The following RAP1GAP2 variants were observed in gnomAD, a reference collection of about 807,000 sequenced individuals.
RAP1GAP2 encodes the protein RAP1 GTPase activating protein 2, also known as rap1 GTPase-activating protein 2.
A neutral mutation model predicts 95.0 loss-of-function variants in RAP1GAP2; 27 were observed. The ratio of observed to expected loss-of-function variants is 0.28; its 90% CI spans 0.21 to 0.39. The LOEUF is 0.39. Ranked by LOEUF, RAP1GAP2 falls within the 10% of genes least tolerant of loss-of-function variation. The probability of loss-of-function intolerance (pLI) is 1.00; values close to 1 mark genes in which losing one functional copy is unlikely to be tolerated. For synonymous variants in RAP1GAP2, 373 were observed against 380.9 expected, an observed-to-expected ratio of 0.98 and a Z score of 0.24; for missense variants, 771 against 970.0, an observed-to-expected ratio of 0.79 and a Z score of 2.72.
At chr17:2,822,627 GTTTTTTTTTTTTTTTTTT>G (rs66503004) in intron 2 of RAP1GAP2, among the ~76,000 whole-genome samples, 1 of 127,852 alleles carries the variant, frequency 7.8e-6, no homozygotes, top group Non-Finnish European at 1.7e-5. Context: ...GTTTTTTTTT[GTTTTTTTTTTTTTTTTTT>G]TTTTTAAGAA....
chr17:3,026,553 C>T (rs1437422955), intron 21 of RAP1GAP2, 89 bp downstream of exon 21: 2 of 1,086,990 alleles, frequency 1.8e-6, no homozygotes, highest in Admixed American at 5.3e-5. Context: ...TGGATCGAAG[C>T]CCATGTCAGT....
chr17:3,021,251 T>C (rs2046946470), intron 19 of RAP1GAP2, among the ~76,000 whole-genome samples: 1 of 152,138 alleles, frequency 6.6e-6, no homozygotes, highest in Admixed American at 6.6e-5. Context: ...TGTATTGTAC[T>C]ATTGAACACT....
At chr17:3,032,623 T>G (rs1247054362) in intron 24 of RAP1GAP2, among the ~76,000 whole-genome samples, 174 bp downstream of exon 24, 2 of 152,092 alleles carry the variant, frequency 1.3e-5, no homozygotes, top group Non-Finnish European at 2.9e-5. Flanking sequence ...GAGGGGCAGA[T>G]GGCCTGTGTG....
rs554285030 is a variant in RAP1GAP2, at chr17:2,791,048, T to C, written c.-13-9467T>C. 1.1e-3 allele frequency among the ~76,000 whole-genome samples: 172 copies of C among 152,218 alleles called. 1 individual carries two copies. The highest frequency in any genetic ancestry group is 3.4e-3 in the Middle Eastern group (1 of 294). The stretch of plus-strand genomic sequence containing the variant: ...GGCAAAACCCCATCTCCACTAAAAG[T>C]ACAAAAATTAGCCAGGTGTGGTGGC... On this transcript the variant is annotated intron_variant, in intron 1 of 24. Transcript: ENST00000540393.
intron 3 of RAP1GAP2, among the ~76,000 whole-genome samples, chr17:2,911,489 G>A (rs1237795685): frequency 2.6e-5 from 4 of 151,938 alleles, no homozygotes; most frequent in Non-Finnish European, 5.9e-5. Flanking sequence ...GGCATTTAGG[G>A]AGGGGCAGTT....
At chr17:3,012,572 T>G (rs2046587645) in intron 17 of RAP1GAP2, among the ~76,000 whole-genome samples, 1 of 126,570 alleles carries the variant, frequency 7.9e-6, no homozygotes, top group Admixed American at 1.1e-4. Flanking sequence ...GAGCTGAGAT[T>G]GCGCCACTGC....
Position 3,004,756 on chromosome 17 carries a change from C to T in RAP1GAP2, c.1201-613C>T, listed in dbSNP as rs555216779. ...GGTCCACCGGCTGCACGAGAGTTTC[C>T]GGGGGGCCCTACCCTTCCGATTCGG... On this transcript the variant is annotated intron_variant, in intron 14 of 24. Coordinates refer to ENST00000254695, the MANE Select transcript of RAP1GAP2 (RefSeq NM_015085.5). The surrounding 1 kb of genome is among the most constrained non-coding windows in gnomAD (Gnocchi z 4.1). 2.3e-4 allele frequency among the ~76,000 whole-genome samples: 35 copies of T among 152,346 alleles called. No homozygotes were observed. Among genetic ancestry groups the T allele is most frequent in the African/African-American group, 7.5e-4 (31 of 41,582 alleles).
chr17:2,911,528 G>A (rs2042381417), intron 3 of RAP1GAP2, among the ~76,000 whole-genome samples: 1 of 151,988 alleles, frequency 6.6e-6, no homozygotes, highest in Admixed American at 6.5e-5. Flanking sequence ...TGGGTCCCCT[G>A]GGTCACATCG....
At chr17:2,872,418 A>T (rs1393209345) in intron 2 of RAP1GAP2, among the ~76,000 whole-genome samples, 1 of 151,868 alleles carries the variant, frequency 6.6e-6, no homozygotes, top group Non-Finnish European at 1.5e-5. Flanking sequence ...AAAGAAGGTC[A>T]TATAAGCTGC....
intron 2 of RAP1GAP2, among the ~76,000 whole-genome samples, chr17:2,812,100 G>T (rs1567670300): frequency 6.6e-6 from 1 of 152,162 alleles, no homozygotes; most frequent in Admixed American, 6.5e-5. Context: ...CTGCAGACCA[G>T]AGTCAGCCGG....
intron 2 of RAP1GAP2, among the ~76,000 whole-genome samples, chr17:2,885,644 G>A (rs1703404814): frequency 6.6e-6 from 1 of 152,182 alleles, no homozygotes; most frequent in Non-Finnish European, 1.5e-5. Flanking sequence ...TGGGTCTAGG[G>A]GCTGAAGCAG....
At chr17:2,939,579 A>G (rs2043415095) in intron 3 of RAP1GAP2, among the ~76,000 whole-genome samples, 1 of 152,194 alleles carries the variant, frequency 6.6e-6, no homozygotes, top group African/African-American at 2.4e-5. Flanking sequence ...CTCCAAACAC[A>G]CAAGACCCGG....
chr17:2,791,330 T>G (rs1342058818), intron 1 of RAP1GAP2, among the ~76,000 whole-genome samples: 4 of 152,118 alleles, frequency 2.6e-5, no homozygotes, highest in African/African-American at 9.7e-5. Flanking sequence ...CCTTGTGAAC[T>G]GTGACCCACA....
chr17:2,888,287 TCTG>T (rs768738247), intron 2 of RAP1GAP2, among the ~76,000 whole-genome samples: 6 of 152,198 alleles, frequency 3.9e-5, no homozygotes, highest in Admixed American at 1.3e-4. Context: ...ACGTTCAAAA[TCTG>T]CTCTTCTGGC....
chr17:3,005,363 A>T lies in RAP1GAP2; in HGVS notation c.1201-6A>T. On this transcript the variant is annotated splice_polypyrimidine_tract_variant and splice_region_variant and intron_variant, in intron 14 of 24. Transcript: ENST00000254695. This position sits in a 1 kb window ranked among gnomAD's most constrained non-coding sequence, Gnocchi z 5.2. ...CAGGTCCGTACCATGACTCTGTTTCACTCAGGTCTCTGTCACTGCGCGGGA... is the reference window on the plus strand; with the variant it reads ...CAGGTCCGTACCATGACTCTGTTTCTCTCAGGTCTCTGTCACTGCGCGGGA... 2 of 1,613,136 alleles carry T rather than the reference A, an allele frequency of 1.2e-6. No homozygotes were observed. Among genetic ancestry groups the T allele is most frequent in the Non-Finnish European group, 1.7e-6 (2 of 1,179,316 alleles).
intron 2 of RAP1GAP2, among the ~76,000 whole-genome samples, chr17:2,898,391 TTCCTGAATCCAGTGTCCTCTTCCC>T (rs2041910869): frequency 6.6e-6 from 1 of 152,182 alleles, no homozygotes; most frequent in South Asian, 2.1e-4. Context: ...GAGCCTTTTG[TTCCTGAATCCAGTGTCCTCTTCCC>T]TCCCCCACAC....
rs141605696 is a variant in RAP1GAP2, at chr17:2,998,683, C to T, written c.1200+307C>T. ...TTGGAATTTGGTGATGCCATTTGCT[C>T]GCTGTGAGTGTAGTATTTGGAATTT... On this transcript the variant is annotated intron_variant, in intron 14 of 24. Transcript: ENST00000254695. Among the ~76,000 whole-genome samples the T allele has an allele frequency of 7.7e-3, 1,164 of 150,900 alleles. 13 individuals are homozygous for T. The highest frequency in any genetic ancestry group is 0.026 in the African/African-American group (1,079 of 40,904).
At chr17:2,932,847 C>G (rs1033163952) in intron 3 of RAP1GAP2, among the ~76,000 whole-genome samples, 36 of 126,072 alleles carry the variant, frequency 2.9e-4, no homozygotes, top group African/African-American at 1.0e-3. Context: ...AAAAAAAGAG[C>G]AGGGACCACG....
In RAP1GAP2 at chr17:2,988,611, A is replaced by T. The variant is rs151326329; in HGVS notation, c.814-2686A>T. ...ATAACTGTACCACAGTTTGTGTTTA[A>T]CCATCACCCACTGAAAGACATTTTT... On this transcript the variant is annotated intron_variant, in intron 11 of 24. Transcript: ENST00000254695. 7.7e-3 allele frequency among the ~76,000 whole-genome samples: 1,166 copies of T among 152,332 alleles called. 9 individuals are homozygous for T. The highest frequency in any genetic ancestry group is 0.013 in the Non-Finnish European group (881 of 68,028).
Sources: gnomAD v4.1 joint callset for allele counts (sites outside exome capture counted in the v4.1 genomes callset) on GRCh38, gnomAD v4.1.1 for gene constraint, Gnocchi (gnomAD v3.1) non-coding constraint, MANE v1.5 for transcripts, NCBI Gene and HGNC (gene_info 2026-07-23, HGNC 2026-07-21) for gene names.